Variants in MTMR9 observed in about 807,000 individuals in gnomAD.
MTMR9 encodes myotubularin-related protein 9.
A neutral mutation model predicts 69.5 loss-of-function variants in MTMR9; 39 were observed. That is an observed-to-expected ratio of 0.56 (90% CI 0.43 to 0.73). The LOEUF is 0.73. Among genes scored for constraint, MTMR9 ranks in the 30% least tolerant of loss-of-function variants. MTMR9 has a pLI of 0.00. For synonymous variants in MTMR9, 354 were observed against 240.8 expected, an observed-to-expected ratio of 1.47 and a Z score of -4.35; for missense variants, 900 against 671.2, an observed-to-expected ratio of 1.34 and a Z score of -3.77.
At chr8:11,285,505 C>T (rs1799115588) in intron 1 of MTMR9, among the ~76,000 whole-genome samples, 1 of 152,172 alleles carries the variant, frequency 6.6e-6, no homozygotes, top group South Asian at 2.1e-4. Context: ...TGTCTACATG[C>T]TACAGAACCA....
chr8:11,299,350 G>C (rs1799669905), intron 2 of MTMR9, among the ~76,000 whole-genome samples: 1 of 152,138 alleles, frequency 6.6e-6, no homozygotes, highest in Admixed American at 6.5e-5. Flanking sequence ...AATTACTTTA[G>C]ATTTTATTAT....
chr8:11,338,420 G>A, the MTMR9 span, among the ~76,000 whole-genome samples: 1 of 152,232 alleles, frequency 6.6e-6, no homozygotes, highest in South Asian at 2.1e-4. Context: ...CGTTGTAGGG[G>A]AAGTGGCTCT....
At position 11,307,693 on chromosome 8, in the gene MTMR9, A is replaced by C. The variant is rs533476444; in HGVS notation, c.809+1286A>C. 1.5e-4 allele frequency among the ~76,000 whole-genome samples: 23 copies of C among 152,300 alleles called. No individual in the cohort carries two copies. The South Asian group carries it at 4.8e-3, about 32-fold the overall frequency. On this transcript the variant is annotated intron_variant, in intron 5 of 9. Coordinates refer to ENST00000221086, the MANE Select transcript of MTMR9 (RefSeq NM_015458.4). ...TGTACAGGGGTTCCCTTTTGTCCAT[A>C]TTCTCAACAACAGTTGTTAAATCTT...
At position 11,323,987 on chromosome 8, in the gene MTMR9, A is replaced by C. The variant is rs146368940; in HGVS notation, c.*1199A>C. The C allele has an allele frequency of 6.6e-6, 1 of 152,182 alleles. No individual in the cohort carries two copies. The highest frequency in any genetic ancestry group is 1.5e-5 in the Non-Finnish European group (1 of 68,034). The allele number at this position is 152,182 out of a possible 1,614,324, so 9.4% of individuals were successfully genotyped here. ...CTGCTAGTCTATGCCTGCAACTCCA[A>C]ATGTTTGTGGTTCAGTATTTCCCAC... On this transcript the variant is annotated 3_prime_UTR_variant, in exon 10 of 10. Coordinates refer to ENST00000221086, the MANE Select transcript of MTMR9 (RefSeq NM_015458.4).
intron 2 of MTMR9, among the ~76,000 whole-genome samples, chr8:11,297,266 G>T (rs1438336482): frequency 1.3e-5 from 2 of 152,172 alleles, no homozygotes; most frequent in African/African-American, 2.4e-5. Flanking sequence ...CTGTTATAGT[G>T]CTAAGTAAAT....
chr8:11,321,940 G>A (rs891602640), intron 9 of MTMR9, among the ~76,000 whole-genome samples: 3 of 152,168 alleles, frequency 2.0e-5, no homozygotes, highest in African/African-American at 2.4e-5. Context: ...GAAGATTTTC[G>A]TGCCTCCTGA....
At chr8:11,310,402 A>G (rs1368464950) in intron 6 of MTMR9, among the ~76,000 whole-genome samples, 1 of 152,224 alleles carries the variant, frequency 6.6e-6, no homozygotes, top group Non-Finnish European at 1.5e-5. Context: ...ACATGGATAG[A>G]TGGCACTTTT....
intron 2 of MTMR9, among the ~76,000 whole-genome samples, chr8:11,296,086 G>T (rs1258182415): frequency 1.4e-5 from 2 of 143,112 alleles, no homozygotes; most frequent in East Asian, 5.1e-4. Flanking sequence ...GAATATTATT[G>T]TACCATATTA....
downstream of MTMR9, among the ~76,000 whole-genome samples, chr8:11,329,825 TGAG>T (rs1242725832): frequency 6.8e-6 from 1 of 147,272 alleles, no homozygotes; most frequent in Non-Finnish European, 1.5e-5. Context: ...GTCTGGGAAG[TGAG>T]GAGCGCCTCT....
Position 11,323,918 on chromosome 8 carries a change from TTGAG to T in MTMR9, c.*1133_*1136del, listed in dbSNP as rs1164111986. ...TGTGTTTTAAACCTCAGAAACAGAT[TTGAG>T]TGTTTCAGTATTATAGAAACAGTGA... On this transcript the variant is annotated 3_prime_UTR_variant, in exon 10 of 10. Coordinates refer to ENST00000221086, the MANE Select transcript of MTMR9 (RefSeq NM_015458.4). The T allele has an allele frequency of 6.6e-6, 1 of 152,206 alleles. No homozygotes were observed. Among genetic ancestry groups the T allele is most frequent in the African/African-American group, 2.4e-5 (1 of 41,452 alleles). The allele number at this position is 152,206 out of a possible 1,614,324, so 9.4% of individuals were successfully genotyped here. A position where few individuals can be genotyped will look rare whatever the true frequency, so the allele number is the denominator to read the frequency against.
At chr8:11,328,967 A>G (rs1801071606), downstream of MTMR9, among the ~76,000 whole-genome samples, 1 of 152,214 alleles carries the variant, frequency 6.6e-6, no homozygotes, top group Non-Finnish European at 1.5e-5. Flanking sequence ...ATACCGTGTA[A>G]GGTAAGGGCC....
chr8:11,328,261 G>C (rs1260929028), downstream of MTMR9: 3 of 151,768 alleles, frequency 2.0e-5, no homozygotes, highest in African/African-American at 7.3e-5. Flanking sequence ...TCTGCAAAAA[G>C]GCTGCAAAAT....
chr8:11,295,522 A>G (rs2117372363), intron 2 of MTMR9, among the ~76,000 whole-genome samples: 1 of 152,336 alleles, frequency 6.6e-6, no homozygotes, highest in South Asian at 2.1e-4. Flanking sequence ...GAGTAGCTCA[A>G]TTCCATGAGT....
At position 11,315,199 on chromosome 8, in the gene MTMR9, A is replaced by G. The variant is rs2117441297; in HGVS notation, c.1113+135A>G. ...TTGTGTGTTTAATTTACTGCAGGAC[A>G]GTTAATCTGTCTTCTCCTTGTTTCT... On this transcript the variant is annotated intron_variant, in intron 7 of 9. Coordinates refer to ENST00000221086, the MANE Select transcript of MTMR9 (RefSeq NM_015458.4). The G allele has an allele frequency of 1.2e-5, 13 of 1,065,108 alleles. No homozygotes were observed. The South Asian group carries it at 2.0e-4, about 16-fold the overall frequency. 66.0% of individuals were successfully genotyped at this position (1,065,108 alleles called of 1,614,324 possible).
chr8:11,286,363 G>A (rs1799154849), intron 1 of MTMR9, among the ~76,000 whole-genome samples: 1 of 151,852 alleles, frequency 6.6e-6, no homozygotes, highest in African/African-American at 2.4e-5. Context: ...GCCACCTTTT[G>A]CTGTATAAAG....
intron 2 of MTMR9, 26 bp downstream of exon 2, chr8:11,295,328 A>T (rs376072100): frequency 4.1e-5 from 50 of 1,231,266 alleles, no homozygotes; most frequent in Admixed American, 5.3e-5. Flanking sequence ...GCAAAATCTA[A>T]TGAAACATAA....
At chr8:11,334,209 A>G in the MTMR9 span, among the ~76,000 whole-genome samples, 4 of 152,214 alleles carry the variant, frequency 2.6e-5, no homozygotes, top group Non-Finnish European at 5.9e-5. Flanking sequence ...AGAAAAATGG[A>G]CTAAGACACT....
chr8:11,308,095 A>G (rs1800033740), intron 5 of MTMR9, among the ~76,000 whole-genome samples: 1 of 152,118 alleles, frequency 6.6e-6, no homozygotes, highest in Non-Finnish European at 1.5e-5. Flanking sequence ...TTTTGAGGTC[A>G]TATCCAAAAT....
chr8:11,299,914 G>A, intron 2 of MTMR9, 109 bp from the exon 3 acceptor site: 4 of 1,241,142 alleles, frequency 3.2e-6, no homozygotes, highest in Non-Finnish European at 2.2e-6. Flanking sequence ...GAAACATTCT[G>A]GGTGCCCATC....
Sources: gnomAD v4.1 joint callset for allele counts (sites outside exome capture counted in the v4.1 genomes callset) on GRCh38, gnomAD v4.1.1 for gene constraint, MANE v1.5 for transcripts, NCBI Gene and HGNC (gene_info 2026-07-23, HGNC 2026-07-21) for gene names.